Variants in CIB4 observed in about 807,000 individuals in gnomAD.
The protein encoded by CIB4 is calcium and integrin binding family member 4.
In CIB4, 25 loss-of-function variants were observed where a neutral mutation model predicts 25.8. That is an observed-to-expected ratio of 0.97 (90% CI 0.71 to 1.35). CIB4 has a LOEUF of 1.35. Among genes scored for constraint, CIB4 ranks in the 40% most tolerant of loss-of-function variants. CIB4 has a pLI of 0.00. For synonymous variants in CIB4, 75 were observed against 81.4 expected, an observed-to-expected ratio of 0.92 and a Z score of 0.42; for missense variants, 235 against 228.2, an observed-to-expected ratio of 1.03 and a Z score of -0.19.
At chr2:26,599,731 T>C (rs934447141) in intron 3 of CIB4, among the ~76,000 whole-genome samples, 2 of 152,220 alleles carry the variant, frequency 1.3e-5, no homozygotes, top group African/African-American at 4.8e-5. Context: ...GTTTTTATTT[T>C]CTAATCATAC....
chr2:26,623,026 C>A (rs1462675623), intron 3 of CIB4, among the ~76,000 whole-genome samples: 1 of 151,226 alleles, frequency 6.6e-6, no homozygotes, highest in East Asian at 1.9e-4. Flanking sequence ...ATGATAAAAA[C>A]TAAAAAAAAT....
intron 3 of CIB4, chr2:26,623,715 G>C (rs1312334785): frequency 2.8e-6 from 1 of 351,748 alleles, no homozygotes; most frequent in Non-Finnish European, 6.1e-6. Context: ...AGGAAGCCCG[G>C]AGCAGGAGGA....
chr2:26,631,417 C>T (rs1669418324), intron 2 of CIB4, among the ~76,000 whole-genome samples: 1 of 152,134 alleles, frequency 6.6e-6, no homozygotes, highest in South Asian at 2.1e-4. Context: ...GAGGCTGCAG[C>T]GAGCTGTGAT....
At chr2:26,606,792 T>C (rs938746104) in intron 3 of CIB4, among the ~76,000 whole-genome samples, 11 of 152,162 alleles carry the variant, frequency 7.2e-5, no homozygotes, top group African/African-American at 2.7e-4. Flanking sequence ...GTGTTTGAGA[T>C]GCTCAACCTT....
intron 3 of CIB4, 78 bp from the exon 4 acceptor site, chr2:26,595,395 CA>C: frequency 7.4e-6 from 11 of 1,482,304 alleles, no homozygotes; most frequent in Non-Finnish European, 1.0e-5. Flanking sequence ...TCATCTATTA[CA>C]AACACTGTGT....
chr2:26,582,043 T>A (rs1286722538), intron 6 of CIB4, among the ~76,000 whole-genome samples: 1 of 152,162 alleles, frequency 6.6e-6, no homozygotes, highest in Non-Finnish European at 1.5e-5. Context: ...GGAGGGGCGA[T>A]GGGAGGCAGA....
chr2:26,582,921 G>A lies in CIB4; in HGVS notation c.439-8C>T. ...ATCCGACTCACTCAGGACCTGGCGA[G>A]GGAGCACAGAAGACAGTTGAGTGGA... is the stretch of plus-strand genomic sequence containing the variant. On this transcript the variant is annotated splice_polypyrimidine_tract_variant and splice_region_variant and intron_variant, in intron 5 of 6. Coordinates refer to ENST00000288861, the MANE Select transcript of CIB4 (RefSeq NM_001029881.3). 1 of 1,606,606 alleles carries A rather than the reference G, an allele frequency of 6.2e-7. No homozygotes were observed. Among genetic ancestry groups the A allele is most frequent in the South Asian group, 1.1e-5 (1 of 90,790 alleles).
chr2:26,615,214 A>G (rs1669068762), intron 3 of CIB4, among the ~76,000 whole-genome samples: 1 of 152,224 alleles, frequency 6.6e-6, no homozygotes, highest in Admixed American at 6.5e-5. Context: ...GTAAGGAGTC[A>G]GGGGAACAGT....
intron 3 of CIB4, among the ~76,000 whole-genome samples, chr2:26,626,809 T>A (rs1460214284): frequency 6.6e-6 from 1 of 151,900 alleles, no homozygotes; most frequent in Non-Finnish European, 1.5e-5. Context: ...CCATCCCAGG[T>A]CTTCTCAAGC....
intron 3 of CIB4, among the ~76,000 whole-genome samples, chr2:26,601,321 A>G (rs1318642299): frequency 6.6e-6 from 1 of 150,720 alleles, no homozygotes; most frequent in Non-Finnish European, 1.5e-5. Flanking sequence ...TCAAGGATAG[A>G]CAAATAGATC....
chr2:26,595,119 C>T lies in CIB4; in HGVS notation c.328+57G>A, dbSNP rs200308023. 636 of 1,527,272 alleles carry T rather than the reference C, an allele frequency of 4.2e-4. 3 individuals are homozygous for T. Among genetic ancestry groups the T allele is most frequent in the African/African-American group, 1.0e-3 (75 of 73,948 alleles). 94.6% of individuals were successfully genotyped at this position (1,527,272 alleles called of 1,614,324 possible). ...ATGAACTGATGATGGAGTCCAGATA[C>T]GGTATGTTCTCTATGGCCTTTCCAC... On this transcript the variant is annotated intron_variant, in intron 4 of 6. Transcript: ENST00000288861.
chr2:26,624,186 C>A (rs1056789717), intron 3 of CIB4, among the ~76,000 whole-genome samples: 3 of 152,184 alleles, frequency 2.0e-5, no homozygotes, highest in East Asian at 1.9e-4. Flanking sequence ...CTTCCCAGAC[C>A]ACTCAAGCCC....
intron 3 of CIB4, chr2:26,623,372 A>G (rs985681518): frequency 2.2e-5 from 5 of 229,396 alleles, no homozygotes; most frequent in Middle Eastern, 8.9e-4. Context: ...TAAAATAAAT[A>G]TTAAATTTTT....
At chr2:26,591,774 C>G (rs942902456) in intron 4 of CIB4, among the ~76,000 whole-genome samples, 1 of 152,234 alleles carries the variant, frequency 6.6e-6, no homozygotes, top group Non-Finnish European at 1.5e-5. Context: ...CCCTGGCTGT[C>G]TTTAAAGAAG....
intron 3 of CIB4, among the ~76,000 whole-genome samples, chr2:26,598,785 C>T (rs1668729898): frequency 6.6e-6 from 1 of 152,220 alleles, no homozygotes. Flanking sequence ...GACAGAGCAG[C>T]TCCAGTCAAA....
At chr2:26,588,655 A>T (rs1668500241) in intron 4 of CIB4, among the ~76,000 whole-genome samples, 1 of 152,130 alleles carries the variant, frequency 6.6e-6, no homozygotes, top group Non-Finnish European at 1.5e-5. Context: ...GTGAGAACTG[A>T]GGTTTCTTCC....
At chr2:26,589,938 T>C (rs1668553705) in intron 4 of CIB4, among the ~76,000 whole-genome samples, 1 of 152,170 alleles carries the variant, frequency 6.6e-6, no homozygotes, top group African/African-American at 2.4e-5. Flanking sequence ...ACAGAAGCCA[T>C]GTTGTGACTA....
chr2:26,629,599 G>C (rs544286377), intron 2 of CIB4, 93 bp from the exon 3 acceptor site: 1 of 809,520 alleles, frequency 1.2e-6, no homozygotes, highest in African/African-American at 1.7e-5. Context: ...GTCTCCTGCT[G>C]CAAGGGGTGG....
At chr2:26,594,396 C>G (rs1353054566) in intron 4 of CIB4, among the ~76,000 whole-genome samples, 1 of 152,214 alleles carries the variant, frequency 6.6e-6, no homozygotes, top group Non-Finnish European at 1.5e-5. Flanking sequence ...CTACTGTCTT[C>G]TATCCACATC....
Sources: gnomAD v4.1 joint callset for allele counts (sites outside exome capture counted in the v4.1 genomes callset) on GRCh38, gnomAD v4.1.1 for gene constraint, MANE v1.5 for transcripts, NCBI Gene and HGNC (gene_info 2026-07-23, HGNC 2026-07-21) for gene names.